SHROOM2: variants seen among roughly 807,000 people sequenced by gnomAD.
SHROOM2 encodes protein Shroom2.
In SHROOM2, 33 loss-of-function variants were observed where a neutral mutation model predicts 75.9. That is an observed-to-expected ratio of 0.43 (90% CI 0.33 to 0.58). The LOEUF (loss-of-function observed/expected upper bound fraction) is 0.58. Among genes scored for constraint, SHROOM2 ranks in the 20% least tolerant of loss-of-function variants. The probability of loss-of-function intolerance (pLI) is 0.04; values close to 1 mark genes in which losing one functional copy is unlikely to be tolerated. For synonymous variants in SHROOM2, 655 were observed against 663.6 expected (o/e 0.99, Z 0.20); for missense variants, 1,434 against 1,461.2 (o/e 0.98, Z 0.30).
At chrX:9,809,013 G>C (rs1368030018) in intron 1 of SHROOM2, among the ~76,000 whole-genome samples, 1 of 109,911 alleles carries the variant, frequency 9.1e-6, no homozygotes, top group Non-Finnish European at 1.9e-5. Flanking sequence ...CCCCAAAAAA[G>C]AATCCCTACA....
chrX:9,851,650 G>A (rs2084041534), intron 1 of SHROOM2, among the ~76,000 whole-genome samples: 1 of 99,717 alleles, frequency 1.0e-5, no homozygotes, highest in Non-Finnish European at 2.0e-5. Flanking sequence ...TTTTTTTGTA[G>A]AGATGGGGTG....
At chrX:9,910,135 A>G (rs6638978) in intron 5 of SHROOM2, among the ~76,000 whole-genome samples, 52,020 of 109,869 alleles carry the variant, frequency 0.47, 10,533 homozygotes, top group East Asian at 0.84. Flanking sequence ...GTCTAAAGCT[A>G]TAGCACCCTC....
chrX:9,937,607 A>G lies in SHROOM2; in HGVS notation c.4061A>G (p.Asp1354Gly). 2 of 1,211,228 alleles carry G rather than the reference A, an allele frequency of 1.7e-6. No individual in the cohort carries two copies. Among genetic ancestry groups the G allele is most frequent in the Middle Eastern group, 2.3e-4 (1 of 4,351 alleles). Residue 1354 changes from aspartate (D) to glycine (G), a missense_variant, in exon 7 of 10, where the codon GAC becomes GGC. Around this residue, in one of 3 missense-constraint regions of SHROOM2, gnomAD observed 1,340 missense variants for 1,338.3 expected, o/e 1.00. Transcript: ENST00000380913. The stretch of plus-strand genomic sequence containing the variant: ...TTGATGGAAGGCATCTTCCCCAAAG[A>G]CGAGCACCTCCTGGAAGAAGCCCAG... ...MDLMEGIFPK[D>G]EHLLEEAQQR...
chrX:9,816,613 A>G lies in SHROOM2; in HGVS notation c.165+29903A>G, dbSNP rs762590972. 5.4e-3 allele frequency among the ~76,000 whole-genome samples: 177 copies of G among 32,909 alleles called. 1 individual carries two copies. The highest frequency in any genetic ancestry group is 0.015 in the African/African-American group (158 of 10,688). 28.6% of individuals were successfully genotyped at this position (32,909 alleles called of 115,157 possible). On this transcript the variant is annotated intron_variant, in intron 1 of 9. Coordinates refer to ENST00000380913, the MANE Select transcript of SHROOM2 (RefSeq NM_001649.4). Reference sequence around the variant, plus strand: ...TGCTGCTGCTGCTGCTGCTGCTGCTACTTTCTGAGCAGGAGCATGGGAGTC... The same window carrying G: ...TGCTGCTGCTGCTGCTGCTGCTGCTGCTTTCTGAGCAGGAGCATGGGAGTC...
At chrX:9,908,698 T>G (rs2084404335) in intron 5 of SHROOM2, among the ~76,000 whole-genome samples, 1 of 110,866 alleles carries the variant, frequency 9.0e-6, no homozygotes, top group Admixed American at 9.7e-5. Context: ...GGCTCATGCC[T>G]ATAATCCCAG....
chrX:9,903,745 G>A (rs1053662305), intron 5 of SHROOM2, among the ~76,000 whole-genome samples: 1 of 110,230 alleles, frequency 9.1e-6, no homozygotes, highest in African/African-American at 3.3e-5. Context: ...AGGTCTCACC[G>A]TGTTGCCCAA....
At chrX:9,829,285 A>G in intron 1 of SHROOM2, among the ~76,000 whole-genome samples, 1 of 112,291 alleles carries the variant, frequency 8.9e-6, no homozygotes, top group Non-Finnish European at 1.9e-5. Context: ...CAGCCTCACA[A>G]AGTGCTGAGA....
At chrX:9,940,305 A>G (rs924388514) in intron 8 of SHROOM2, among the ~76,000 whole-genome samples, 2 of 111,839 alleles carry the variant, frequency 1.8e-5, no homozygotes, top group Admixed American at 9.5e-5. Flanking sequence ...TTTGGGTCAC[A>G]CCCTAGGTTT....
At position 9,932,427 on chromosome X, in the gene SHROOM2, G is replaced by C. The variant is rs137947571; in HGVS notation, c.3144G>C (p.Ser1048=). 2 of 1,206,872 alleles carry C rather than the reference G, an allele frequency of 1.7e-6. No individual in the cohort carries two copies. Among genetic ancestry groups the C allele is most frequent in the Non-Finnish European group, 2.2e-6 (2 of 893,393 alleles). Reference sequence around the variant, plus strand: ...CCCTGCATGCTCGAGGACAAGACTCGTGGCCAGTGAGCTCAGCCCTGCTCT... The same window carrying C: ...CCCTGCATGCTCGAGGACAAGACTCCTGGCCAGTGAGCTCAGCCCTGCTCT... ...GSPLHARGQD[S]WPVSSALLSK... Residue 1048 remains serine (S), a synonymous_variant, in exon 6 of 10, where the codon TCG becomes TCC. Transcript: ENST00000380913.
intron 1 of SHROOM2, among the ~76,000 whole-genome samples, chrX:9,852,410 T>G (rs1302882612): frequency 1.8e-5 from 2 of 112,536 alleles, no homozygotes. Context: ...AGCTCCTTGC[T>G]GGCTTTTCAT....
At chrX:9,818,794 A>G in intron 1 of SHROOM2, 1 of 482,296 alleles carries the variant, frequency 2.1e-6, no homozygotes, top group Non-Finnish European at 3.7e-6. Flanking sequence ...AAAATCAAAC[A>G]GGATGTTGGC....
intron 1 of SHROOM2, among the ~76,000 whole-genome samples, chrX:9,831,051 C>T (rs977443407): frequency 8.9e-6 from 1 of 111,955 alleles, no homozygotes; most frequent in Admixed American, 9.5e-5. Context: ...AGGTTGAACC[C>T]ATGGAACTAC....
At chrX:9,802,275 G>A (rs981215213) in intron 1 of SHROOM2, among the ~76,000 whole-genome samples, 2 of 111,400 alleles carry the variant, frequency 1.8e-5, no homozygotes, top group African/African-American at 6.5e-5. Flanking sequence ...TTTTAGGTCA[G>A]CATATCCGCA....
At chrX:9,807,331 T>C (rs1260872991) in intron 1 of SHROOM2, among the ~76,000 whole-genome samples, 1 of 112,318 alleles carries the variant, frequency 8.9e-6, no homozygotes, top group South Asian at 3.7e-4. Flanking sequence ...TGCTGCTTTG[T>C]TTCAGGCGTG....
intron 5 of SHROOM2, among the ~76,000 whole-genome samples, chrX:9,900,315 A>G (rs1569163274): frequency 9.0e-6 from 1 of 111,695 alleles, no homozygotes; most frequent in Non-Finnish European, 1.9e-5. Flanking sequence ...GCAAGAAAGA[A>G]TACACTTGAA....
rs200731017 is a variant in SHROOM2, at chrX:9,945,099, G to GTTGTTTGT, written c.4584+206_4584+213dup. Among the ~76,000 whole-genome samples, 739 of 106,484 alleles carry GTTGTTTGT rather than the reference G, an allele frequency of 6.9e-3. 3 individuals carry two copies. The highest frequency in any genetic ancestry group is 0.019 in the African/African-American group (552 of 28,788). The allele number at this position is 106,484 out of a possible 115,157, so 92.5% of individuals were successfully genotyped here. On this transcript the variant is annotated intron_variant, in intron 9 of 9. Coordinates refer to ENST00000380913, the MANE Select transcript of SHROOM2 (RefSeq NM_001649.4). ...CTCTCCTTCCTTTTATATTTCTTTAGTTGTTTGTTTGTTTGTTTGTTTGTT... is the reference window on the plus strand; with the variant it reads ...CTCTCCTTCCTTTTATATTTCTTTAGTTGTTTGTTTGTTTGTTTGTTTGTTTGTTTGTT...
At chrX:9,841,043 C>T (rs766724673) in intron 1 of SHROOM2, among the ~76,000 whole-genome samples, 4 of 111,717 alleles carry the variant, frequency 3.6e-5, no homozygotes, top group East Asian at 5.6e-4. Context: ...GCAACCTCCA[C>T]GTCCTGGGTT....
Position 9,875,408 on chromosome X carries a change from G to T in SHROOM2, c.317+1605G>T, listed in dbSNP as rs996553475. Among the ~76,000 whole-genome samples the T allele has an allele frequency of 2.7e-5, 3 of 111,246 alleles. No homozygotes were observed. In the Admixed American group the frequency reaches 2.9e-4, roughly 11 times the overall value. ...AGGGAAGCTTGTTCTGCAGAGGTAA[G>T]ACGAGGAGTTATAAATTGGCTCTGG... On this transcript the variant is annotated intron_variant, in intron 2 of 9. Coordinates refer to ENST00000380913, the MANE Select transcript of SHROOM2 (RefSeq NM_001649.4).
At chrX:9,875,239 T>C (rs2084194129) in intron 2 of SHROOM2, among the ~76,000 whole-genome samples, 1 of 108,680 alleles carries the variant, frequency 9.2e-6, no homozygotes, top group African/African-American at 3.3e-5. Context: ...GAATGGTGGT[T>C]TCTGAGCCAT....
Sources: gnomAD v4.1 joint callset for allele counts (sites outside exome capture counted in the v4.1 genomes callset) on GRCh38, gnomAD v4.1.1 for gene constraint, gnomAD v4.1.1 regional missense constraint, MANE v1.5 for transcripts, NCBI Gene and HGNC (gene_info 2026-07-23, HGNC 2026-07-21) for gene names.